LIN52: variants seen among roughly 807,000 people sequenced by gnomAD.
LIN52 encodes the protein lin-52 DREAM MuvB core complex component.
In LIN52, 4 loss-of-function variants were observed where a neutral mutation model predicts 18.5. The ratio of observed to expected loss-of-function variants is 0.22; its 90% CI spans 0.11 to 0.49. LIN52 has a LOEUF of 0.49. Ranked by LOEUF, LIN52 falls within the 20% of genes least tolerant of loss-of-function variation. The pLI, the probability that LIN52 is intolerant of heterozygous loss-of-function variation, is 0.97. For synonymous variants in LIN52, 34 were observed against 45.5 expected, an observed-to-expected ratio of 0.75 and a Z score of 1.02; for missense variants, 102 against 139.5, an observed-to-expected ratio of 0.73 and a Z score of 1.35.
At chr14:74,096,689 AC>A (rs2060815882) in intron 3 of LIN52, among the ~76,000 whole-genome samples, 1 of 152,182 alleles carries the variant, frequency 6.6e-6, no homozygotes, top group African/African-American at 2.4e-5. Flanking sequence ...AGAATCATCA[AC>A]ATGCAGCTAT....
At chr14:74,136,835 A>G (rs531564509) in intron 5 of LIN52, among the ~76,000 whole-genome samples, 63 of 152,298 alleles carry the variant, frequency 4.1e-4, no homozygotes, top group African/African-American at 1.4e-3. Flanking sequence ...AATGGAATCC[A>G]GTAGTAGCCA....
At position 74,182,079 on chromosome 14, in the gene LIN52, C is replaced by T. The variant is rs1338586776; in HGVS notation, c.284-16843C>T. On this transcript the variant is annotated intron_variant, in intron 5 of 5. Transcript: ENST00000555028. Reference sequence around the variant, plus strand: ...AGGTTAGAGTGCTGTGGCGCAATCTCGGCTCACTGCAACTTCTGCCTCCCA... The same window carrying T: ...AGGTTAGAGTGCTGTGGCGCAATCTTGGCTCACTGCAACTTCTGCCTCCCA... Among the ~76,000 whole-genome samples the T allele has an allele frequency of 7.2e-5, 11 of 152,304 alleles. No individual in the cohort carries two copies. The East Asian group carries it at 7.7e-4, about 11-fold the overall frequency.
intron 5 of LIN52, among the ~76,000 whole-genome samples, chr14:74,164,554 G>A (rs889369286): frequency 6.6e-5 from 10 of 152,160 alleles, no homozygotes; most frequent in African/African-American, 2.4e-4. Flanking sequence ...CCAAAGTGCT[G>A]GGATTACAGG....
chr14:74,103,427 ATTT>A (rs11347849), intron 5 of LIN52, among the ~76,000 whole-genome samples: 1,081 of 88,580 alleles, frequency 0.012, 8 homozygotes, highest in African/African-American at 0.029. Context: ...AAAATGTAAG[ATTT>A]TTTTTTTTTT....
At position 74,117,857 on chromosome 14, in the gene LIN52, A is replaced by G. The variant is rs538957567; in HGVS notation, c.283+16619A>G. On this transcript the variant is annotated intron_variant, in intron 5 of 5. Coordinates refer to ENST00000555028, the MANE Select transcript of LIN52 (RefSeq NM_001024674.3). ...TCTGGAGAAATAATGACTTTGGCAT[A>G]TGTATAAGAGAAGTATCTCTAACTG... Among the ~76,000 whole-genome samples, 415 of 152,350 alleles carry G rather than the reference A, an allele frequency of 2.7e-3. 4 individuals carry two copies. The highest frequency in any genetic ancestry group is 9.8e-3 in the African/African-American group (407 of 41,596).
At chr14:74,140,896 T>C (rs2061126782) in intron 5 of LIN52, among the ~76,000 whole-genome samples, 1 of 152,014 alleles carries the variant, frequency 6.6e-6, no homozygotes, top group Non-Finnish European at 1.5e-5. Flanking sequence ...AAGTGCCTTA[T>C]TTTTTTTCTG....
At chr14:74,185,329 T>C (rs2061336550) in intron 5 of LIN52, among the ~76,000 whole-genome samples, 1 of 142,790 alleles carries the variant, frequency 7.0e-6, no homozygotes, top group South Asian at 2.3e-4. Context: ...TTTTTTTTTT[T>C]TTTGAGATGG....
intron 5 of LIN52, among the ~76,000 whole-genome samples, chr14:74,139,464 T>C (rs2061116748): frequency 6.6e-6 from 1 of 152,208 alleles, no homozygotes; most frequent in East Asian, 1.9e-4. Flanking sequence ...CTTTACCACA[T>C]TAAGCTTGTT....
intron 5 of LIN52, among the ~76,000 whole-genome samples, chr14:74,192,239 C>T (rs1462913462): frequency 6.6e-6 from 1 of 151,818 alleles, no homozygotes; most frequent in Non-Finnish European, 1.5e-5. Context: ...ACAAGAAGGC[C>T]AAGGAAGGAA....
chr14:74,178,192 G>T (rs565732042), intron 5 of LIN52, among the ~76,000 whole-genome samples: 9 of 152,308 alleles, frequency 5.9e-5, no homozygotes, highest in Non-Finnish European at 1.3e-4. Flanking sequence ...CTGGCATACA[G>T]AAATTAATTT....
In LIN52 at chr14:74,199,009, C is replaced by A. The variant is rs370334003; in HGVS notation, c.*32C>A. On this transcript the variant is annotated 3_prime_UTR_variant, in exon 6 of 6. Transcript: ENST00000555028. ...CTTGCGGACAGGATGTCCTGGGGTC[C>A]GAAACCAAGCTCCCTTCCCGGTGCA... 1.1e-5 allele frequency: 17 copies of A among 1,510,446 alleles called. No individual in the cohort carries two copies. The highest frequency in any genetic ancestry group is 1.6e-5 in the Non-Finnish European group (17 of 1,087,164). 93.6% of individuals were successfully genotyped at this position (1,510,446 alleles called of 1,614,324 possible).
intron 5 of LIN52, among the ~76,000 whole-genome samples, chr14:74,137,198 A>G (rs2061102664): frequency 6.7e-6 from 1 of 149,068 alleles, no homozygotes; most frequent in African/African-American, 2.5e-5. Flanking sequence ...TTACGTATTG[A>G]TATTCTCTTC....
intron 5 of LIN52, among the ~76,000 whole-genome samples, chr14:74,180,980 A>C (rs534484127): frequency 6.6e-6 from 1 of 151,592 alleles, no homozygotes; most frequent in Non-Finnish European, 1.5e-5. Context: ...GGTGGTACGC[A>C]CTTGTAATCC....
At chr14:74,193,511 G>C (rs1318006717) in intron 5 of LIN52, among the ~76,000 whole-genome samples, 1 of 151,926 alleles carries the variant, frequency 6.6e-6, no homozygotes, top group African/African-American at 2.4e-5. Context: ...TTAAACTCTT[G>C]TACATAGCTG....
In LIN52 at chr14:74,090,711, A is replaced by C. The variant is rs563531813; in HGVS notation, c.20-521A>C. 7.9e-4 allele frequency among the ~76,000 whole-genome samples: 120 copies of C among 152,244 alleles called. 2 individuals carry two copies. The highest frequency in any genetic ancestry group is 1.2e-3 in the Non-Finnish European group (83 of 68,028). On this transcript the variant is annotated intron_variant, in intron 1 of 5. Coordinates refer to ENST00000555028, the MANE Select transcript of LIN52 (RefSeq NM_001024674.3). ...CTCCTTTTTAAAGAGATTTTTAAAG[A>C]GTTACTTATTTTGTAAAGTTTTATT...
At chr14:74,116,840 T>C (rs1237313226) in intron 5 of LIN52, among the ~76,000 whole-genome samples, 1 of 151,566 alleles carries the variant, frequency 6.6e-6, no homozygotes, top group African/African-American at 2.4e-5. Context: ...GTTTTTTTTT[T>C]TTTTTCTTTT....
rs2060870493 is a variant in LIN52 at position 74,103,123 on chromosome 14, G to C, written c.283+1885G>C. ...AGACAGAGTCTTACTCTGTGGCCCA[G>C]GCTGGAGTTCAGTGGTGCAATCTCG... On this transcript the variant is annotated intron_variant, in intron 5 of 5. Transcript: ENST00000555028. Among the ~76,000 whole-genome samples the C allele has an allele frequency of 1.3e-5, 2 of 152,190 alleles. 1 individual carries two copies. Among genetic ancestry groups the C allele is most frequent in the Admixed American group, 1.3e-4 (2 of 15,274 alleles).
At chr14:74,110,151 A>G (rs988060124) in intron 5 of LIN52, among the ~76,000 whole-genome samples, 7 of 152,212 alleles carry the variant, frequency 4.6e-5, no homozygotes, top group Non-Finnish European at 1.0e-4. Flanking sequence ...TTACTTTGAT[A>G]TAAGTAGTTG....
chr14:74,158,168 A>T (rs1055987995), intron 5 of LIN52, among the ~76,000 whole-genome samples: 2 of 149,868 alleles, frequency 1.3e-5, no homozygotes, highest in East Asian at 3.9e-4. Flanking sequence ...AGGCTAGAGC[A>T]CAGTAGCGTG....
Sources: gnomAD v4.1 joint callset for allele counts (sites outside exome capture counted in the v4.1 genomes callset) on GRCh38, gnomAD v4.1.1 for gene constraint, MANE v1.5 for transcripts, NCBI Gene and HGNC (gene_info 2026-07-23, HGNC 2026-07-21) for gene names.